The following MLPH variants were observed in gnomAD, a reference collection of about 807,000 sequenced individuals.
The protein encoded by MLPH is melanophilin.
A neutral mutation model predicts 72.1 loss-of-function variants in MLPH; 51 were observed. The observed-to-expected ratio is 0.71, with a 90% CI of 0.56 to 0.89. The LOEUF (loss-of-function observed/expected upper bound fraction) is 0.89. Among genes scored for constraint, MLPH ranks in the 40% least tolerant of loss-of-function variants. MLPH has a pLI of 0.00. For missense variants in MLPH, 743 were observed against 759.9 expected (o/e 0.98, Z 0.26); for synonymous variants, 301 against 310.1 (o/e 0.97, Z 0.31).
intron 9 of MLPH, 71 bp downstream of exon 9, chr2:237,534,718 A>T (rs972590757): frequency 4.0e-6 from 5 of 1,242,404 alleles, no homozygotes; most frequent in Admixed American, 3.4e-5. Flanking sequence ...GAAGTGTGAC[A>T]TGGGCTTTTG....
Position 237,554,718 on chromosome 2 carries a change from CT to C in MLPH, c.*1128del, listed in dbSNP as rs1466443448. 6.6e-6 allele frequency: 1 copy of C among 152,170 alleles called. No homozygotes were observed. The highest frequency in any genetic ancestry group is 6.5e-5 in the Admixed American group (1 of 15,278). The allele number at this position is 152,170 out of a possible 1,614,324, so 9.4% of individuals were successfully genotyped here. Reference sequence around the variant, plus strand: ...CAAACAGTAGAGACAAGAGTCAAGCCTTGTGTCTTCAAGCATTGACCAAGTT... The same window carrying C: ...CAAACAGTAGAGACAAGAGTCAAGCCTGTGTCTTCAAGCATTGACCAAGTT... On this transcript the variant is annotated 3_prime_UTR_variant, in exon 16 of 16. Coordinates refer to ENST00000264605, the MANE Select transcript of MLPH (RefSeq NM_024101.7).
intron 8 of MLPH, among the ~76,000 whole-genome samples, chr2:237,528,812 G>C (rs2080359404): frequency 1.3e-5 from 2 of 152,080 alleles, no homozygotes; most frequent in Non-Finnish European, 2.9e-5. Flanking sequence ...TGTCTCAATG[G>C]ATTTGTCTAT....
At chr2:237,540,087 GA>G (rs918600818) in intron 9 of MLPH, among the ~76,000 whole-genome samples, 40 of 152,100 alleles carry the variant, frequency 2.6e-4, no homozygotes, top group Non-Finnish European at 5.6e-4. Context: ...TGAGAAGGGA[GA>G]AAAAAAATGT....
At position 237,511,039 on chromosome 2, in the gene MLPH, G is replaced by A. The variant is rs888068461; in HGVS notation, c.383G>A (p.Arg128His). The change falls in exon 4 of 16, where the codon CGC becomes CAC. Residue 128 changes from arginine to histidine, a missense_variant. Arg to His is a conservative substitution (Grantham distance 29). Transcript: ENST00000264605. ...TGGTACTATGAGCATGTGAAAGCCC[G>A]CTTCAAGAGGTTCGGAAGTGCCAAG... is the stretch of plus-strand genomic sequence containing the variant. Reference protein sequence around the residue: ...LEWYYEHVKARFKRFGSAKVI... With the variant: ...LEWYYEHVKAHFKRFGSAKVI... The A allele has an allele frequency of 1.5e-5, 24 of 1,613,892 alleles. No individual in the cohort carries two copies. The highest frequency in any genetic ancestry group is 2.2e-5 in the East Asian group (1 of 44,878).
At chr2:237,504,853 A>C (rs1008963197) in intron 2 of MLPH, among the ~76,000 whole-genome samples, 2 of 152,178 alleles carry the variant, frequency 1.3e-5, no homozygotes, top group African/African-American at 2.4e-5. Flanking sequence ...GCAAAAACTC[A>C]TGGTCGAAAA....
At chr2:237,506,349 T>C (rs2079771063) in intron 2 of MLPH, among the ~76,000 whole-genome samples, 1 of 152,210 alleles carries the variant, frequency 6.6e-6, no homozygotes, top group Non-Finnish European at 1.5e-5. Context: ...TTTGCAAATC[T>C]CTTTAATGTC....
At chr2:237,491,701 T>C (rs574422369) in intron 1 of MLPH, among the ~76,000 whole-genome samples, 153 of 152,332 alleles carry the variant, frequency 1.0e-3, no homozygotes, top group Middle Eastern at 3.4e-3. Context: ...GTGCATGCAT[T>C]GGTGGTGAAG....
At chr2:237,546,313 G>A (rs1161709435) in intron 12 of MLPH, 1 of 445,412 alleles carries the variant, frequency 2.2e-6, no homozygotes, top group Admixed American at 3.4e-5. Context: ...GCCCTAAGCA[G>A]TTCCCAGCTT....
At chr2:237,487,475 T>G (rs1170338232) in intron 1 of MLPH, 38 bp downstream of exon 1, 1 of 152,660 alleles carries the variant, frequency 6.6e-6, no homozygotes, top group Admixed American at 6.5e-5. Context: ...GGGGCCAGGG[T>G]GGCGCCCAGG....
chr2:237,530,022 C>A (rs999320284), intron 8 of MLPH, among the ~76,000 whole-genome samples: 2 of 152,174 alleles, frequency 1.3e-5, no homozygotes, highest in Non-Finnish European at 1.5e-5. Context: ...AAGGGGCAGG[C>A]GAGGTGGGCA....
chr2:237,498,396 AGC>A (rs2079579709), intron 2 of MLPH, among the ~76,000 whole-genome samples: 1 of 152,194 alleles, frequency 6.6e-6, no homozygotes, highest in African/African-American at 2.4e-5. Context: ...CTTTTCCCAC[AGC>A]GTCAGAACAA....
intron 6 of MLPH, among the ~76,000 whole-genome samples, chr2:237,523,560 T>C (rs1053849148): frequency 6.6e-6 from 1 of 152,324 alleles, no homozygotes; most frequent in African/African-American, 2.4e-5. Flanking sequence ...TCTAATGTTT[T>C]GGTTAAACTA....
At chr2:237,507,018 C>G (rs1029551178) in intron 2 of MLPH, among the ~76,000 whole-genome samples, 2 of 150,692 alleles carry the variant, frequency 1.3e-5, no homozygotes, top group African/African-American at 4.9e-5. Context: ...CATGAAAACC[C>G]GGCAGTTGGA....
chr2:237,527,330 T>C, intron 7 of MLPH, 47 bp from the exon 8 acceptor site: 1 of 1,613,700 alleles, frequency 6.2e-7, no homozygotes, highest in African/African-American at 1.3e-5. Flanking sequence ...GTCCATCAGC[T>C]TTCAGGTTTT....
At chr2:237,509,162 A>G (rs931605539) in intron 2 of MLPH, among the ~76,000 whole-genome samples, 1 of 152,148 alleles carries the variant, frequency 6.6e-6, no homozygotes, top group African/African-American at 2.4e-5. Context: ...GTCTCTGGCT[A>G]TGAAGAAGGG....
chr2:237,527,423 C>G lies in MLPH; in HGVS notation c.927C>G (p.Ala309=). The part of the protein sequence containing the change: ...RNEQLPLQYL[A]DVDTSDEESI... ...AGCAGCTGCCCCTGCAGTACTTGGC[C>G]GATGTGGACACCTCTGATGAGGAAA... The change falls in exon 8 of 16, where the codon GCC becomes GCG. Residue 309 remains alanine, a synonymous_variant. Transcript: ENST00000264605. 6.2e-7 allele frequency: 1 copy of G among 1,614,156 alleles called. No homozygotes were observed. Among genetic ancestry groups the G allele is most frequent in the Non-Finnish European group, 8.5e-7 (1 of 1,180,036 alleles).
At position 237,512,841 on chromosome 2, in the gene MLPH, G is replaced by C. The variant is rs2079934425; in HGVS notation, c.445+1740G>C. ...GCTGTATTATTTCAAAGGACGCAGT[G>C]TTTCCACAGCTCAGCCCAGAGCTGC... On this transcript the variant is annotated intron_variant, in intron 4 of 15. Coordinates refer to ENST00000264605, the MANE Select transcript of MLPH (RefSeq NM_024101.7). The surrounding 1 kb of genome is among the most constrained non-coding windows in gnomAD (Gnocchi z 5.5). Among the ~76,000 whole-genome samples, 1 of 152,138 alleles carries C rather than the reference G, an allele frequency of 6.6e-6. No individual in the cohort carries two copies. The highest frequency in any genetic ancestry group is 6.5e-5 in the Admixed American group (1 of 15,282).
chr2:237,498,954 A>C (rs573984066), intron 2 of MLPH, among the ~76,000 whole-genome samples: 1 of 151,822 alleles, frequency 6.6e-6, no homozygotes, highest in South Asian at 2.1e-4. Context: ...GTCCCTCCTG[A>C]CCCTCTGCTT....
chr2:237,493,980 G>A (rs558360542), intron 2 of MLPH, among the ~76,000 whole-genome samples: 5 of 152,238 alleles, frequency 3.3e-5, no homozygotes, highest in South Asian at 4.2e-4. Flanking sequence ...ACCCCAGCAC[G>A]GTTTTGTTCC....
Sources: gnomAD v4.1 joint callset for allele counts (sites outside exome capture counted in the v4.1 genomes callset) on GRCh38, gnomAD v4.1.1 for gene constraint, Gnocchi (gnomAD v3.1) non-coding constraint, MANE v1.5 for transcripts, NCBI Gene and HGNC (gene_info 2026-07-23, HGNC 2026-07-21) for gene names.